The following CHD6 variants were observed in gnomAD, a reference collection of about 807,000 sequenced individuals.
CHD6 encodes ATP-dependent chromatin remodeler CHD6.
A neutral mutation model predicts 276.9 loss-of-function variants in CHD6; 50 were observed. The observed-to-expected ratio is 0.18, with a 90% confidence interval of 0.14 to 0.23. The LOEUF (loss-of-function observed/expected upper bound fraction) is 0.23, where lower values mean the gene tolerates loss of function less well. CHD6 is among the 10% of genes least tolerant of loss of function. CHD6 has a pLI of 1.00. For missense variants in CHD6, 2,564 were observed against 3,365.8 expected, an observed-to-expected ratio of 0.76 and a Z score of 5.89; for synonymous variants, 1,173 against 1,229.3, an observed-to-expected ratio of 0.95 and a Z score of 0.96.
intron 22 of CHD6, 48 bp downstream of exon 22, chr20:41,451,778 A>G (rs1284176174): frequency 1.3e-6 from 2 of 1,515,334 alleles, no homozygotes; most frequent in Admixed American, 3.3e-5. Flanking sequence ...AGAGGGGATG[A>G]AGTGCATGGG....
intron 1 of CHD6, among the ~76,000 whole-genome samples, chr20:41,567,683 C>T (rs1294636354): frequency 5.9e-5 from 9 of 152,132 alleles, no homozygotes. Context: ...ATGCTCTTCC[C>T]ATGTGAAACT....
chr20:41,578,241 C>G (rs1016960680), intron 1 of CHD6, among the ~76,000 whole-genome samples: 2 of 151,868 alleles, frequency 1.3e-5, no homozygotes, highest in African/African-American at 4.8e-5. Flanking sequence ...TACCATAAAA[C>G]TGTTTAAAAA....
intron 20 of CHD6, among the ~76,000 whole-genome samples, chr20:41,453,386 T>C (rs1468094483): frequency 1.4e-5 from 2 of 145,572 alleles, no homozygotes; most frequent in Non-Finnish European, 3.2e-5. Flanking sequence ...CAAACGCATA[T>C]TCCTGCTTTA....
intron 2 of CHD6, among the ~76,000 whole-genome samples, chr20:41,550,819 C>T (rs2045134479): frequency 6.6e-6 from 1 of 152,144 alleles, no homozygotes; most frequent in South Asian, 2.1e-4. Flanking sequence ...TCCCACACGC[C>T]CTTCAAAATA....
chr20:41,583,778 G>A (rs1280160533), intron 1 of CHD6, among the ~76,000 whole-genome samples: 3 of 152,112 alleles, frequency 2.0e-5, no homozygotes, highest in Non-Finnish European at 4.4e-5. Context: ...ATACTGTATT[G>A]TTAGGATCTC....
At chr20:41,430,404 T>C (rs962936202) in intron 27 of CHD6, among the ~76,000 whole-genome samples, 1 of 152,206 alleles carries the variant, frequency 6.6e-6, no homozygotes, top group Non-Finnish European at 1.5e-5. Context: ...CCTAATTGAT[T>C]AGCTAAGCAT....
chr20:41,484,639 C>T (rs755345546), intron 14 of CHD6, 32 bp from the exon 15 acceptor site: 4 of 1,611,354 alleles, frequency 2.5e-6, no homozygotes, highest in Non-Finnish European at 1.7e-6. Flanking sequence ...AGTTACCTGC[C>T]TCAATCCCAA....
At chr20:41,563,481 G>C (rs1048452593) in intron 1 of CHD6, among the ~76,000 whole-genome samples, 2 of 152,146 alleles carry the variant, frequency 1.3e-5, no homozygotes, top group African/African-American at 2.4e-5. Context: ...AATCAGAACT[G>C]AATGGGATCT....
At chr20:41,597,221 T>A (rs1445274636) in intron 1 of CHD6, among the ~76,000 whole-genome samples, 1 of 152,194 alleles carries the variant, frequency 6.6e-6, no homozygotes, top group Admixed American at 6.5e-5. Flanking sequence ...CTGTTTCTTT[T>A]ATCTCAAGTA....
chr20:41,471,858 C>A (rs941269951), intron 17 of CHD6, among the ~76,000 whole-genome samples: 1 of 152,080 alleles, frequency 6.6e-6, no homozygotes, highest in Non-Finnish European at 1.5e-5. Context: ...TTTTAACCAT[C>A]ACTAACTTAA....
rs371550411 is a variant in CHD6 at position 41,484,545 on chromosome 20, T to C, written c.2064A>G (p.Glu688=). 96 of 1,613,812 alleles carry C rather than the reference T, an allele frequency of 5.9e-5. No homozygotes were observed. The highest frequency in any genetic ancestry group is 7.5e-5 in the Non-Finnish European group (89 of 1,179,874). Residue 688 remains glutamate (E), a synonymous_variant, in exon 15 of 37, where the codon GAA becomes GAG. Transcript: ENST00000373233. ...TCTCTTGTTTGGGAGCAAGGTTCTT[T>C]TCCACATCATCTTTCAGCCGCCGAA... The part of the protein sequence containing the change: ...MMLRRLKDDV[E]KNLAPKQETI...
At chr20:41,425,520 A>C in intron 28 of CHD6, 126 bp from the exon 29 acceptor site, 1 of 990,016 alleles carries the variant, frequency 1.0e-6, no homozygotes, top group Non-Finnish European at 1.5e-6. Flanking sequence ...TACTGTTTTA[A>C]TAATTGGCCC....
Position 41,414,742 on chromosome 20 carries a change from G to A in CHD6, c.6939+444C>T, listed in dbSNP as rs1245063638. On this transcript the variant is annotated intron_variant, in intron 34 of 36. Transcript: ENST00000373233. ...AGGAGCAAAGTGAGTCTCAGTTGTAGCCCAATATCACCCAGTAAGTCAAGC... is the reference window on the plus strand; with the variant it reads ...AGGAGCAAAGTGAGTCTCAGTTGTAACCCAATATCACCCAGTAAGTCAAGC... 3.8e-6 allele frequency: 3 copies of A among 799,664 alleles called. No homozygotes were observed. In the African/African-American group the frequency reaches 5.4e-5, roughly 14 times the overall value. 49.5% of individuals were successfully genotyped at this position (799,664 alleles called of 1,614,324 possible).
At chr20:41,577,324 G>T (rs2045485229) in intron 1 of CHD6, among the ~76,000 whole-genome samples, 2 of 152,148 alleles carry the variant, frequency 1.3e-5, no homozygotes, top group South Asian at 4.2e-4. Context: ...GATTTATCTG[G>T]GTGGCCGCTT....
At chr20:41,582,591 A>G (rs1399020178) in intron 1 of CHD6, among the ~76,000 whole-genome samples, 1 of 152,254 alleles carries the variant, frequency 6.6e-6, no homozygotes, top group African/African-American at 2.4e-5. Context: ...ATCAAAAACT[A>G]TAAGGCATAT....
chr20:41,583,918 A>T (rs1055112115), intron 1 of CHD6, among the ~76,000 whole-genome samples: 2 of 152,116 alleles, frequency 1.3e-5, no homozygotes, highest in Non-Finnish European at 2.9e-5. Context: ...ATTGAATTTT[A>T]AAAAACCCTC....
At chr20:41,445,009 T>C (rs1050780336) in intron 25 of CHD6, among the ~76,000 whole-genome samples, 4 of 152,222 alleles carry the variant, frequency 2.6e-5, no homozygotes, top group African/African-American at 9.6e-5. Flanking sequence ...TGACTATCAC[T>C]TGACACTTTC....
chr20:41,481,927 C>T (rs2043304694), intron 16 of CHD6, among the ~76,000 whole-genome samples: 2 of 151,808 alleles, frequency 1.3e-5, no homozygotes, highest in South Asian at 2.1e-4. Context: ...CATATTTATG[C>T]AGAAAAAAAC....
At chr20:41,547,651 C>G in intron 2 of CHD6, 1 of 716,252 alleles carries the variant, frequency 1.4e-6, no homozygotes, top group Non-Finnish European at 2.3e-6. Flanking sequence ...GTACCTTCTG[C>G]CTCTGCCCTA....
Sources: allele counts gnomAD v4.1 joint callset (sites outside exome capture counted in the v4.1 genomes callset), GRCh38; gene constraint gnomAD v4.1.1; transcripts MANE v1.5; gene names NCBI Gene and HGNC (gene_info 2026-07-23, HGNC 2026-07-21).